Variants in GALNT13 observed in about 807,000 individuals in gnomAD.
GALNT13 encodes the protein UDP-GalNAc:polypeptide N-acetylgalactosaminyltransferase 13.
A neutral mutation model predicts 64.2 loss-of-function variants in GALNT13; 28 were observed. That is an observed-to-expected ratio of 0.44 (90% CI 0.32 to 0.60). The LOEUF is 0.60. Ranked by LOEUF, GALNT13 falls within the 20% of genes least tolerant of loss-of-function variation. GALNT13 has a pLI of 0.05. For missense variants in GALNT13, 577 were observed against 669.8 expected (o/e 0.86, Z 1.53); for synonymous variants, 214 against 224.6 (o/e 0.95, Z 0.42).
the GALNT13 span, among the ~76,000 whole-genome samples, chr2:153,569,711 G>A: frequency 6.7e-6 from 1 of 149,170 alleles, no homozygotes; most frequent in African/African-American, 2.6e-5. Flanking sequence ...CATTCCTTTA[G>A]TTATTTTAAA....
chr2:153,627,756 A>G, the GALNT13 span, among the ~76,000 whole-genome samples: 1 of 152,030 alleles, frequency 6.6e-6, no homozygotes, highest in East Asian at 1.9e-4. Context: ...CTGTCTGACA[A>G]AATTTTTAGG....
chr2:153,449,761 G>A, the GALNT13 span: 1 of 153,080 alleles, frequency 6.5e-6, no homozygotes, highest in Non-Finnish European at 1.5e-5. Flanking sequence ...GTGCCTTGTT[G>A]CTACATCCTC....
At chr2:154,290,583 G>T (rs966409846) in intron 8 of GALNT13, among the ~76,000 whole-genome samples, 1 of 152,188 alleles carries the variant, frequency 6.6e-6, no homozygotes, top group Non-Finnish European at 1.5e-5. Flanking sequence ...ACCACAGGAA[G>T]CTGATAGGAA....
intron 3 of GALNT13, among the ~76,000 whole-genome samples, chr2:154,042,598 A>G (rs1440563311): frequency 2.0e-5 from 2 of 98,740 alleles, no homozygotes; most frequent in Non-Finnish European, 5.6e-5. Context: ...TTATTTGTTC[A>G]TTATTTTTCT....
the GALNT13 span, among the ~76,000 whole-genome samples, chr2:153,830,133 T>C: frequency 6.6e-6 from 1 of 152,144 alleles, no homozygotes; most frequent in African/African-American, 2.4e-5. Flanking sequence ...AAACATTATT[T>C]TGTATTTTGC....
At chr2:154,259,256 A>G (rs1212879949) in intron 8 of GALNT13, 118 bp downstream of exon 8, 4 of 680,378 alleles carry the variant, frequency 5.9e-6, no homozygotes, top group East Asian at 2.8e-5. Context: ...TTACTGATCA[A>G]TTGGTTATCT....
At chr2:153,917,648 G>A (rs1391996291) in intron 2 of GALNT13, among the ~76,000 whole-genome samples, 2 of 152,118 alleles carry the variant, frequency 1.3e-5, no homozygotes, top group Non-Finnish European at 2.9e-5. Flanking sequence ...GAATTGCAGT[G>A]TGAAAAATCT....
the GALNT13 span, among the ~76,000 whole-genome samples, chr2:153,414,899 A>G: frequency 5.3e-5 from 8 of 152,150 alleles, no homozygotes; most frequent in Non-Finnish European, 1.0e-4. Flanking sequence ...AAAATGTTTC[A>G]GACCAGTCAG....
the GALNT13 span, among the ~76,000 whole-genome samples, chr2:153,532,758 A>T: frequency 6.6e-6 from 1 of 152,150 alleles, no homozygotes; most frequent in Admixed American, 6.5e-5. Flanking sequence ...CTTCCACCAG[A>T]TTCCCTAAAT....
At chr2:154,435,176 G>A (rs1395878524) in intron 11 of GALNT13, among the ~76,000 whole-genome samples, 1 of 152,158 alleles carries the variant, frequency 6.6e-6, no homozygotes, top group Non-Finnish European at 1.5e-5. Flanking sequence ...GGTAACCGAT[G>A]ATAAAGCAAT....
the GALNT13 span, among the ~76,000 whole-genome samples, chr2:153,541,798 T>C: frequency 6.6e-6 from 1 of 152,248 alleles, no homozygotes; most frequent in Non-Finnish European, 1.5e-5. Context: ...TCTATACAGT[T>C]GCCCATAGTT....
the GALNT13 span, among the ~76,000 whole-genome samples, chr2:153,179,274 A>T: frequency 6.6e-6 from 1 of 152,326 alleles, no homozygotes; most frequent in Non-Finnish European, 1.5e-5. Flanking sequence ...TTTACTCAAC[A>T]CTATTTATTT....
chr2:153,729,093 G>T, the GALNT13 span, among the ~76,000 whole-genome samples: 3 of 152,016 alleles, frequency 2.0e-5, no homozygotes, highest in Non-Finnish European at 4.4e-5. Flanking sequence ...TTCTGAAACT[G>T]TTCTCCGCAA....
the GALNT13 span, among the ~76,000 whole-genome samples, chr2:153,511,335 TC>T: frequency 6.6e-6 from 1 of 151,470 alleles, no homozygotes; most frequent in African/African-American, 2.4e-5. Context: ...CCAAGCAGGT[TC>T]CTATAGATTA....
At chr2:153,099,998 G>T in the GALNT13 span, among the ~76,000 whole-genome samples, 1 of 152,166 alleles carries the variant, frequency 6.6e-6, no homozygotes, top group Non-Finnish European at 1.5e-5. Flanking sequence ...TATGAAATTG[G>T]ATTGGGAAAA....
At chr2:153,774,240 G>C in the GALNT13 span, among the ~76,000 whole-genome samples, 1 of 151,814 alleles carries the variant, frequency 6.6e-6, no homozygotes, top group Non-Finnish European at 1.5e-5. Flanking sequence ...ATATTATCTT[G>C]AAAAACTCAA....
chr2:154,317,733 C>T (rs551205258), intron 9 of GALNT13, among the ~76,000 whole-genome samples: 1 of 152,162 alleles, frequency 6.6e-6, no homozygotes, highest in East Asian at 1.9e-4. Flanking sequence ...TGATATATAG[C>T]TCCTCCATTC....
chr2:153,575,286 CT>C, the GALNT13 span, among the ~76,000 whole-genome samples: 2 of 152,192 alleles, frequency 1.3e-5, no homozygotes, highest in African/African-American at 4.8e-5. Context: ...CTCCTGTGGT[CT>C]CCACCACTAG....
chr2:153,252,012 T>C, the GALNT13 span, among the ~76,000 whole-genome samples: 2 of 151,594 alleles, frequency 1.3e-5, no homozygotes. Flanking sequence ...GGTCAAATGG[T>C]ATTTCTAGTT....
Sources: gnomAD v4.1 joint callset for allele counts (sites outside exome capture counted in the v4.1 genomes callset) on GRCh38, gnomAD v4.1.1 for gene constraint, MANE v1.5 for transcripts, NCBI Gene and HGNC (gene_info 2026-07-23, HGNC 2026-07-21) for gene names.